OSBPL6: variants seen among roughly 807,000 people sequenced by gnomAD.
The protein encoded by OSBPL6 is oxysterol binding protein like 6, also known as oxysterol-binding protein-related protein 6.
Under a neutral mutation model 125.8 loss-of-function variants are expected in OSBPL6, and 49 were observed. The ratio of observed to expected loss-of-function variants is 0.39; its 90% CI spans 0.31 to 0.49. The LOEUF (loss-of-function observed/expected upper bound fraction) is 0.49, where lower values mean the gene tolerates loss of function less well. Among genes scored for constraint, OSBPL6 ranks in the 20% least tolerant of loss-of-function variants. The pLI is 0.88. For missense variants in OSBPL6, 986 were observed against 1,135.4 expected, an observed-to-expected ratio of 0.87 and a Z score of 1.89; for synonymous variants, 394 against 391.8, an observed-to-expected ratio of 1.01 and a Z score of -0.07.
At chr2:178,261,198 A>C (rs558951842) in intron 1 of OSBPL6, among the ~76,000 whole-genome samples, 16 of 152,144 alleles carry the variant, frequency 1.1e-4, no homozygotes, top group Non-Finnish European at 2.1e-4. Context: ...ATGCTTATCT[A>C]TATAAAGTTT....
chr2:178,307,060 A>G (rs929291306), intron 3 of OSBPL6, among the ~76,000 whole-genome samples: 1 of 152,178 alleles, frequency 6.6e-6, no homozygotes, highest in Admixed American at 6.5e-5. Context: ...CCCAATAAGT[A>G]GGTGTTATTA....
chr2:178,339,982 G>A (rs765527608), intron 11 of OSBPL6, among the ~76,000 whole-genome samples: 3 of 151,974 alleles, frequency 2.0e-5, no homozygotes, highest in Non-Finnish European at 2.9e-5. Flanking sequence ...AAAATTATGC[G>A]ATATGTGTTC....
chr2:178,220,991 A>G (rs2090315542), intron 1 of OSBPL6, among the ~76,000 whole-genome samples: 1 of 152,230 alleles, frequency 6.6e-6, no homozygotes, highest in Admixed American at 6.5e-5. Context: ...CCATTAAGCC[A>G]GGATCTGCCC....
intron 1 of OSBPL6, chr2:178,230,405 C>A (rs1227168058): frequency 1.3e-5 from 2 of 152,168 alleles, no homozygotes; most frequent in Non-Finnish European, 2.9e-5. Flanking sequence ...AGACCTTAAC[C>A]TTGATTTTAT....
chr2:178,391,005 T>C (rs1695357572), intron 21 of OSBPL6, 68 bp from the exon 22 acceptor site: 1 of 1,574,960 alleles, frequency 6.3e-7, no homozygotes, highest in African/African-American at 1.4e-5. Flanking sequence ...AATTTTTCTA[T>C]ATGGAAAATA....
intron 1 of OSBPL6, among the ~76,000 whole-genome samples, chr2:178,195,466 G>A (rs2088831920): frequency 2.0e-5 from 3 of 152,266 alleles, no homozygotes; most frequent in Admixed American, 2.0e-4. Context: ...AAAGCCTGGA[G>A]AAGTAATGAC....
At chr2:178,390,891 C>T (rs971973232) in intron 21 of OSBPL6, among the ~76,000 whole-genome samples, 182 bp from the exon 22 acceptor site, 1 of 152,172 alleles carries the variant, frequency 6.6e-6, no homozygotes, top group African/African-American at 2.4e-5. Flanking sequence ...CCATCCCTTT[C>T]TTGAAAGTTA....
In OSBPL6 at chr2:178,383,262, TCCA is replaced by T; in HGVS notation, c.1861_1863del (p.Pro621del). 6.2e-7 allele frequency: 1 copy of T among 1,614,100 alleles called. No individual in the cohort carries two copies. The highest frequency in any genetic ancestry group is 8.5e-7 in the Non-Finnish European group (1 of 1,180,016). The stretch of plus-strand genomic sequence containing the variant: ...TGGACAAGGCTTCGGAAACTGATGA[TCCA>T]TATGAGCGCATGGTAATAAATAACT... On this transcript the variant is annotated inframe_deletion, in exon 17 of 25. Transcript: ENST00000190611.
In OSBPL6 at chr2:178,324,201, G is replaced by T; in HGVS notation, c.127G>T (p.Ala43Ser). 6.4e-7 allele frequency: 1 copy of T among 1,566,528 alleles called. No individual in the cohort carries two copies. The highest frequency in any genetic ancestry group is 1.2e-5 in the South Asian group (1 of 86,024). Residue 43 changes from alanine to serine, a missense_variant, in exon 4 of 25, where the codon GCT (alanine) becomes TCT (serine). This residue lies in a region of OSBPL6 where 130 missense variants were observed against 106.4 expected (regional missense o/e 1.22). Transcript: ENST00000190611. ...RQSIHILERT[A>S]SSSTEPSVSR... ...GAGTATTCACATACTGGAGAGGACT[G>T]CTTCCTCTAGCACCGAGCCCTCTGT...
At chr2:178,389,264 T>C (rs760758812) in intron 21 of OSBPL6, 111 bp downstream of exon 21, 4 of 1,057,076 alleles carry the variant, frequency 3.8e-6, no homozygotes, top group Non-Finnish European at 5.3e-6. Flanking sequence ...GTATCATTGG[T>C]CCTTACGGAC....
At chr2:178,239,146 T>C (rs2091182848) in intron 1 of OSBPL6, among the ~76,000 whole-genome samples, 1 of 152,210 alleles carries the variant, frequency 6.6e-6, no homozygotes, top group East Asian at 1.9e-4. Context: ...TTTTTGGCTG[T>C]ATACTACATC....
At chr2:178,375,090 T>C (rs1168883421) in intron 15 of OSBPL6, among the ~76,000 whole-genome samples, 2 of 152,204 alleles carry the variant, frequency 1.3e-5, no homozygotes, top group African/African-American at 4.8e-5. Flanking sequence ...TACTCTCAGA[T>C]GGACAGAATA....
chr2:178,287,556 A>C (rs534493822), intron 2 of OSBPL6, among the ~76,000 whole-genome samples: 1 of 152,268 alleles, frequency 6.6e-6, no homozygotes, highest in African/African-American at 2.4e-5. Context: ...AGTACCTGAA[A>C]ATTTGTTTCC....
intron 1 of OSBPL6, among the ~76,000 whole-genome samples, chr2:178,282,835 T>C (rs1238900455): frequency 6.6e-6 from 1 of 152,074 alleles, no homozygotes; most frequent in Non-Finnish European, 1.5e-5. Flanking sequence ...GTATTTTTAG[T>C]AGAGATGGGG....
intron 1 of OSBPL6, among the ~76,000 whole-genome samples, chr2:178,281,994 C>T (rs1684238599): frequency 6.6e-6 from 1 of 152,130 alleles, no homozygotes; most frequent in African/African-American, 2.4e-5. Context: ...AGGTCCGGTC[C>T]CTGCTTCCCG....
chr2:178,209,552 G>A (rs910107194), intron 1 of OSBPL6, among the ~76,000 whole-genome samples: 4 of 150,584 alleles, frequency 2.7e-5, no homozygotes, highest in Non-Finnish European at 5.9e-5. Context: ...GGGAAACCTC[G>A]GTGTCCTCCA....
chr2:178,269,507 C>T (rs576721962), intron 1 of OSBPL6, among the ~76,000 whole-genome samples: 1 of 152,204 alleles, frequency 6.6e-6, no homozygotes, highest in South Asian at 2.1e-4. Context: ...ATTTTCCCAA[C>T]AGCAATGTAA....
intron 1 of OSBPL6, among the ~76,000 whole-genome samples, chr2:178,270,232 C>T (rs1045520151): frequency 1.3e-5 from 2 of 152,094 alleles, no homozygotes; most frequent in Non-Finnish European, 2.9e-5. Context: ...CAAAGATGAC[C>T]TCTTATTTTC....
Position 178,328,139 on chromosome 2 carries a change from T to C in OSBPL6, c.196-117T>C, listed in dbSNP as rs1688859355. ...AGAATTTGCTCCGGAATGTTGTTCA[T>C]CCTTCTTTCTGGTGGGCCTAGTACT... On this transcript the variant is annotated intron_variant, in intron 4 of 24. Transcript: ENST00000190611. The C allele has an allele frequency of 3.0e-6, 4 of 1,319,590 alleles. No individual in the cohort carries two copies. In the Admixed American group the frequency reaches 9.0e-5, roughly 30 times the overall value. 81.7% of individuals were successfully genotyped at this position (1,319,590 alleles called of 1,614,324 possible). A position where few individuals can be genotyped will look rare whatever the true frequency, so the allele number is the denominator to read the frequency against.
Sources: gnomAD v4.1 joint callset for allele counts (sites outside exome capture counted in the v4.1 genomes callset) on GRCh38, gnomAD v4.1.1 for gene constraint, gnomAD v4.1.1 regional missense constraint, MANE v1.5 for transcripts, NCBI Gene and HGNC (gene_info 2026-07-23, HGNC 2026-07-21) for gene names.